Variants in SAMD12 observed in about 807,000 individuals in gnomAD.
The protein encoded by SAMD12 is sterile alpha motif domain-containing protein 12.
In SAMD12, 9 loss-of-function variants were observed where a neutral mutation model predicts 15.0. The observed-to-expected ratio is 0.60, with a 90% confidence interval of 0.36 to 1.05. SAMD12 has a LOEUF of 1.05. Ranked by LOEUF, SAMD12 falls within the 50% of genes least tolerant of loss-of-function variation. The pLI, the probability that SAMD12 is intolerant of heterozygous loss-of-function variation, is 0.01. For synonymous variants in SAMD12, 86 were observed against 90.1 expected (o/e 0.96, Z 0.25); for missense variants, 230 against 234.2 (o/e 0.98, Z 0.12).
At chr8:118,450,517 C>T (rs578218542) in intron 2 of SAMD12, among the ~76,000 whole-genome samples, 1 of 152,190 alleles carries the variant, frequency 6.6e-6, no homozygotes, top group African/African-American at 2.4e-5. Flanking sequence ...GGGGCAAATC[C>T]CTCTGTGAAT....
intron 2 of SAMD12, among the ~76,000 whole-genome samples, chr8:118,536,544 C>T (rs1018050266): frequency 6.6e-6 from 1 of 151,882 alleles, no homozygotes; most frequent in Non-Finnish European, 1.5e-5. Context: ...TGTTTTTCCA[C>T]TTGAGGTTAT....
chr8:118,491,351 A>C (rs1300452479), intron 2 of SAMD12, among the ~76,000 whole-genome samples: 1 of 152,168 alleles, frequency 6.6e-6, no homozygotes, highest in East Asian at 1.9e-4. Context: ...TGGCTTCGTA[A>C]GACTCATGTC....
At chr8:118,140,564 A>C in the SAMD12 span, among the ~76,000 whole-genome samples, 1 of 152,132 alleles carries the variant, frequency 6.6e-6, no homozygotes, top group Non-Finnish European at 1.5e-5. Context: ...GAGCCACTGC[A>C]CCTGGCCTTT....
chr8:118,305,639 CT>C (rs1397863785), intron 4 of SAMD12, among the ~76,000 whole-genome samples: 1 of 152,186 alleles, frequency 6.6e-6, no homozygotes. Flanking sequence ...GAAGGACACT[CT>C]TTTGCTTTAC....
intron 4 of SAMD12, among the ~76,000 whole-genome samples, chr8:118,282,706 C>A (rs1563730174): frequency 6.6e-6 from 1 of 152,108 alleles, no homozygotes; most frequent in East Asian, 1.9e-4. Flanking sequence ...TCCAGTTGTT[C>A]AGACTAGAAA....
chr8:118,284,270 A>T (rs1435890133), intron 4 of SAMD12: 2 of 456,182 alleles, frequency 4.4e-6, no homozygotes, highest in East Asian at 6.9e-5. Context: ...TGTCTTTTAC[A>T]GTTTGGGTGT....
chr8:118,430,476 C>A (rs372086824), intron 3 of SAMD12, among the ~76,000 whole-genome samples: 3 of 152,010 alleles, frequency 2.0e-5, no homozygotes, highest in Admixed American at 6.6e-5. Context: ...GATTCTCCTG[C>A]TTCAGCCTCC....
chr8:118,303,249 T>C (rs983380290), intron 4 of SAMD12, among the ~76,000 whole-genome samples: 6 of 152,206 alleles, frequency 3.9e-5, no homozygotes, highest in African/African-American at 1.4e-4. Flanking sequence ...CTTAGACACG[T>C]TGTGCCAATT....
chr8:118,557,803 G>T (rs1222419730), intron 2 of SAMD12, among the ~76,000 whole-genome samples: 1 of 152,050 alleles, frequency 6.6e-6, no homozygotes, highest in Non-Finnish European at 1.5e-5. Context: ...TAACATTGTT[G>T]TTTATAAATT....
intron 2 of SAMD12, among the ~76,000 whole-genome samples, chr8:118,489,588 C>A (rs2515044): frequency 0.44 from 67,618 of 151,986 alleles, 15,485 homozygotes; most frequent in East Asian, 0.63. Flanking sequence ...TGATAAATTT[C>A]TTTCAGTAGC....
chr8:118,536,316 T>C (rs1450597441), intron 2 of SAMD12, among the ~76,000 whole-genome samples: 2 of 152,164 alleles, frequency 1.3e-5, no homozygotes, highest in African/African-American at 4.8e-5. Flanking sequence ...TCCCTACCTG[T>C]AGATTTTACA....
intron 4 of SAMD12, among the ~76,000 whole-genome samples, chr8:118,359,145 C>T (rs1818372561): frequency 6.6e-6 from 1 of 152,008 alleles, no homozygotes; most frequent in Non-Finnish European, 1.5e-5. Context: ...TAAAATGTAA[C>T]ATATTTGGAG....
intron 1 of SAMD12, among the ~76,000 whole-genome samples, chr8:118,589,673 C>T (rs1416700980): frequency 1.3e-5 from 2 of 152,096 alleles, no homozygotes; most frequent in Non-Finnish European, 2.9e-5. Context: ...TCAGGTATCA[C>T]TTTGAGAGAT....
chr8:118,389,991 C>T (rs2130749543), intron 3 of SAMD12, among the ~76,000 whole-genome samples: 1 of 152,120 alleles, frequency 6.6e-6, no homozygotes, highest in South Asian at 2.1e-4. Context: ...AGTTGGTTTA[C>T]AAGTTGCTAC....
In SAMD12 at chr8:118,406,453, T is replaced by C. The variant is rs568773443; in HGVS notation, c.323-26753A>G. 6.6e-5 allele frequency among the ~76,000 whole-genome samples: 10 copies of C among 152,096 alleles called. No homozygotes were observed. In the South Asian group the frequency reaches 1.7e-3, roughly 25 times the overall value. On this transcript the variant is annotated intron_variant, in intron 3 of 3. Coordinates refer to ENST00000314727, the MANE Select transcript of SAMD12 (RefSeq NM_207506.3). ...CACACCTGGCTAATTTTTGTATTTT[T>C]AGTAGAGACGGGGTTTTGCCATGTT...
chr8:118,147,989 G>A, the SAMD12 span, among the ~76,000 whole-genome samples: 2 of 151,456 alleles, frequency 1.3e-5, no homozygotes, highest in Admixed American at 1.3e-4. Context: ...GTGCAGTGGT[G>A]TGATTTCGTC....
At chr8:118,434,020 A>G (rs1822499899) in intron 3 of SAMD12, among the ~76,000 whole-genome samples, 1 of 152,210 alleles carries the variant, frequency 6.6e-6, no homozygotes, top group Non-Finnish European at 1.5e-5. Context: ...GAAGACAATC[A>G]CAGAAGGATA....
intron 3 of SAMD12, among the ~76,000 whole-genome samples, chr8:118,424,740 T>C (rs567958113): frequency 2.2e-4 from 33 of 152,264 alleles, no homozygotes; most frequent in South Asian, 1.0e-3. Context: ...CAATCCTACA[T>C]GTGTGGACTT....
chr8:118,600,025 T>C (rs1827821994), intron 1 of SAMD12, among the ~76,000 whole-genome samples: 1 of 152,106 alleles, frequency 6.6e-6, no homozygotes, highest in Non-Finnish European at 1.5e-5. Flanking sequence ...TAGAGTTGGA[T>C]TGGGTTTTCT....
Sources: gnomAD v4.1 joint callset for allele counts (sites outside exome capture counted in the v4.1 genomes callset) on GRCh38, gnomAD v4.1.1 for gene constraint, MANE v1.5 for transcripts, NCBI Gene and HGNC (gene_info 2026-07-23, HGNC 2026-07-21) for gene names.